Variants in CD5L observed in about 807,000 individuals in gnomAD.
CD5L encodes the protein CD5 antigen-like.
In CD5L, 39 loss-of-function variants were observed where a neutral mutation model predicts 40.8. The observed-to-expected ratio is 0.96, with a 90% CI of 0.74 to 1.25. The LOEUF (loss-of-function observed/expected upper bound fraction) is 1.25, where lower values mean the gene tolerates loss of function less well. CD5L is among the 50% of genes most tolerant of loss of function. The pLI, the probability that CD5L is intolerant of heterozygous loss-of-function variation, is 0.00. For synonymous variants in CD5L, 192 were observed against 169.6 expected (o/e 1.13, Z -1.03); for missense variants, 433 against 435.9 (o/e 0.99, Z 0.06).
chr1:157,827,859 TGGG>T (rs1655944268), downstream of CD5L, among the ~76,000 whole-genome samples: 1 of 152,108 alleles, frequency 6.6e-6, no homozygotes, highest in Non-Finnish European at 1.5e-5. Flanking sequence ...CAACATAAGG[TGGG>T]GTCCAGAGGC....
intron 2 of CD5L, among the ~76,000 whole-genome samples, chr1:157,836,686 G>A (rs1347668623): frequency 1.3e-5 from 2 of 152,196 alleles, no homozygotes; most frequent in Admixed American, 6.5e-5. Flanking sequence ...GAGGCAGAGT[G>A]TGTACAATTC....
chr1:157,836,199 A>G (rs1157368705), intron 2 of CD5L, 44 bp from the exon 3 acceptor site: 11 of 1,541,192 alleles, frequency 7.1e-6, no homozygotes, highest in Non-Finnish European at 9.7e-6. Flanking sequence ...AGAGGAGCTC[A>G]GAGGGTCCTT....
In CD5L at chr1:157,831,935, G is replaced by T. The variant is rs753736478; in HGVS notation, c.*29C>A. 3 of 1,566,454 alleles carry T rather than the reference G, an allele frequency of 1.9e-6. No individual in the cohort carries two copies. Among genetic ancestry groups the T allele is most frequent in the African/African-American group, 1.4e-5 (1 of 72,876 alleles). On this transcript the variant is annotated 3_prime_UTR_variant, in exon 6 of 6. Transcript: ENST00000368174. ...AACAAGCAGAGGGCAGGCGGGGCCA[G>T]GGGGGCCAGGTCAAGCAACACCAGG...
At position 157,833,394 on chromosome 1, in the gene CD5L, C is replaced by T; in HGVS notation, c.837G>A (p.Gln279=). The change falls in exon 5 of 6, where the codon CAG becomes CAA. Residue 279 remains glutamine (Q), a synonymous_variant. Transcript: ENST00000368174. ...CACAGCCCAGTTGCTTGCATACCAC[C>T]TGGTCCTCCTTTTCTCCCCAGTTGT... ...CDDNWGEKED[Q]VVCKQLGCGK... The T allele has an allele frequency of 6.2e-7, 1 of 1,614,120 alleles. No homozygotes were observed. Among genetic ancestry groups the T allele is most frequent in the Non-Finnish European group, 8.5e-7 (1 of 1,180,022 alleles).
rs769516757 is a variant in CD5L at position 157,835,890 on chromosome 1, C to T, written c.321G>A (p.Glu107=). The change falls in exon 3 of 6, where the codon GAG becomes GAA. Residue 107 remains glutamate, a synonymous_variant. Coordinates refer to ENST00000368174, the MANE Select transcript of CD5L (RefSeq NM_005894.3). Reference sequence around the variant, plus strand: ...GTGAACAATCATAAACTTCTTCTTGCTCACACTGAGCCAATGTATCTTCTG... The same window carrying T: ...GTGAACAATCATAAACTTCTTCTTGTTCACACTGAGCCAATGTATCTTCTG... ...TGTEDTLAQC[E]QEEVYDCSHD... 12 of 1,614,190 alleles carry T rather than the reference C, an allele frequency of 7.4e-6. No individual in the cohort carries two copies. The highest frequency in any genetic ancestry group is 1.0e-5 in the Non-Finnish European group (12 of 1,180,026).
In CD5L at chr1:157,831,796, G is replaced by A; in HGVS notation, c.*168C>T. 1.5e-6 allele frequency: 2 copies of A among 1,329,406 alleles called. No homozygotes were observed. Among genetic ancestry groups the A allele is most frequent in the Non-Finnish European group, 1.9e-6 (2 of 1,034,824 alleles). The allele number at this position is 1,329,406 out of a possible 1,614,324, so 82.4% of individuals were successfully genotyped here. A position where few individuals can be genotyped will look rare whatever the true frequency, so the allele number is the denominator to read the frequency against. ...ACATCTACAGGCAGCAATGGGGGCTGCTTGTCCCTGAGAGTAAGGCATAAG... is the reference window on the plus strand; with the variant it reads ...ACATCTACAGGCAGCAATGGGGGCTACTTGTCCCTGAGAGTAAGGCATAAG... On this transcript the variant is annotated 3_prime_UTR_variant, in exon 6 of 6. Coordinates refer to ENST00000368174, the MANE Select transcript of CD5L (RefSeq NM_005894.3).
rs1248339715 is a variant in CD5L, at chr1:157,834,499, G to T, written c.626C>A (p.Ser209Ter). The T allele has an allele frequency of 6.2e-7, 1 of 1,614,220 alleles. No homozygotes were observed. Among genetic ancestry groups the T allele is most frequent in the Non-Finnish European group, 8.5e-7 (1 of 1,180,050 alleles). Residue 209 changes from serine (S) to a stop codon, truncating the protein, a stop_gained, in exon 4 of 6, where the codon TCA becomes TAA. Coordinates refer to ENST00000368174, the MANE Select transcript of CD5L (RefSeq NM_005894.3). LOFTEE classifies it high-confidence loss of function. The part of the protein sequence containing the change: ...KPIWLSQMSC[S>*]GREATLQDCP... ...ATCCTGAAGGGTTGCTTCTCGTCCTGAGCATGACATCTGGCTCAGCCAGAT... is the reference window on the plus strand; with the variant it reads ...ATCCTGAAGGGTTGCTTCTCGTCCTTAGCATGACATCTGGCTCAGCCAGAT...
At chr1:157,832,073 G>A (rs1189241476) in intron 5 of CD5L, 105 bp from the exon 6 acceptor site, 6 of 908,330 alleles carry the variant, frequency 6.6e-6, no homozygotes, top group Non-Finnish European at 1.0e-5. Flanking sequence ...GCTCAACATA[G>A]GAAAAAGAGC....
chr1:157,837,670 C>A (rs1221943568), intron 2 of CD5L, among the ~76,000 whole-genome samples: 1 of 152,108 alleles, frequency 6.6e-6, no homozygotes, highest in Non-Finnish European at 1.5e-5. Flanking sequence ...TGCTGAGGAC[C>A]AGATTTCCCA....
chr1:157,828,325 T>C (rs1039853698), downstream of CD5L, among the ~76,000 whole-genome samples: 4 of 152,190 alleles, frequency 2.6e-5, no homozygotes, highest in Admixed American at 2.0e-4. Context: ...CTTGAAACAC[T>C]TTCTTCATTT....
intron 3 of CD5L, 108 bp downstream of exon 3, chr1:157,835,727 G>T: frequency 2.3e-6 from 2 of 865,506 alleles, no homozygotes; most frequent in South Asian, 1.6e-5. Context: ...GGGGTGAGGG[G>T]CCAATTAGCC....
At chr1:157,827,086 A>C (rs1655919069), downstream of CD5L, among the ~76,000 whole-genome samples, 1 of 152,214 alleles carries the variant, frequency 6.6e-6, no homozygotes, top group Non-Finnish European at 1.5e-5. Flanking sequence ...ACATAGTGCT[A>C]TCTTTATTAT....
In CD5L at chr1:157,835,958, T is replaced by C; in HGVS notation, c.253A>G (p.Lys85Glu). 1 of 1,614,240 alleles carries C rather than the reference T, an allele frequency of 6.2e-7. No individual in the cohort carries two copies. The highest frequency in any genetic ancestry group is 8.5e-7 in the Non-Finnish European group (1 of 1,180,046). ...SGILYEPPAE[K>E]EQKVLIQSVS... ...GATTGGATGAGGACCTTTTGCTCTTTTTCTGCTGGTGGCTCATACAAAATA... is the reference window on the plus strand; with the variant it reads ...GATTGGATGAGGACCTTTTGCTCTTCTTCTGCTGGTGGCTCATACAAAATA... The change falls in exon 3 of 6, where the codon AAA becomes GAA. Residue 85 changes from lysine (K) to glutamate (E), a missense_variant. Lys to Glu is a moderately conservative substitution (Grantham distance 56). Coordinates refer to ENST00000368174, the MANE Select transcript of CD5L (RefSeq NM_005894.3).
downstream of CD5L, among the ~76,000 whole-genome samples, chr1:157,828,411 C>T (rs1232264403): frequency 6.6e-6 from 1 of 152,064 alleles, no homozygotes; most frequent in African/African-American, 2.4e-5. Flanking sequence ...GTCCTATGTC[C>T]CCTCAAGTGC....
Position 157,831,888 on chromosome 1 carries a change from G to C in CD5L, c.*76C>G. 2 of 1,519,148 alleles carry C rather than the reference G, an allele frequency of 1.3e-6. No individual in the cohort carries two copies. Among genetic ancestry groups the C allele is most frequent in the East Asian group, 4.8e-5 (2 of 42,090 alleles). The allele number at this position is 1,519,148 out of a possible 1,614,324, so 94.1% of individuals were successfully genotyped here. On this transcript the variant is annotated 3_prime_UTR_variant, in exon 6 of 6. Transcript: ENST00000368174. ...CAAGCCTGAGCCCCAGAATGAGTAT[G>C]AGGATAATCAGGGCTCAGGAGAACA...
Position 157,831,788 on chromosome 1 carries a change from T to C in CD5L, c.*176A>G. 1.5e-6 allele frequency: 2 copies of C among 1,313,886 alleles called. No individual in the cohort carries two copies. The highest frequency in any genetic ancestry group is 1.9e-6 in the Non-Finnish European group (2 of 1,026,096). 81.4% of individuals were successfully genotyped at this position (1,313,886 alleles called of 1,614,324 possible). On this transcript the variant is annotated 3_prime_UTR_variant, in exon 6 of 6. Transcript: ENST00000368174. ...AACAGCTCACATCTACAGGCAGCAATGGGGGCTGCTTGTCCCTGAGAGTAA... is the reference window on the plus strand; with the variant it reads ...AACAGCTCACATCTACAGGCAGCAACGGGGGCTGCTTGTCCCTGAGAGTAA...
rs1656232426 is a variant in CD5L at position 157,836,875 on chromosome 1, G to A, written c.56-720C>T. Among the ~76,000 whole-genome samples the A allele has an allele frequency of 2.6e-5, 4 of 152,174 alleles. No individual in the cohort carries two copies. The South Asian group carries it at 6.2e-4, about 24-fold the overall frequency. ...TTTGGTCTAATTCCAGGGACTAGAAGCATAAGAGAGGATTCATGGAGTCTC... is the reference window on the plus strand; with the variant it reads ...TTTGGTCTAATTCCAGGGACTAGAAACATAAGAGAGGATTCATGGAGTCTC... On this transcript the variant is annotated intron_variant, in intron 2 of 5. Coordinates refer to ENST00000368174, the MANE Select transcript of CD5L (RefSeq NM_005894.3).
chr1:157,837,164 TG>T (rs1171268322), intron 2 of CD5L, among the ~76,000 whole-genome samples: 3 of 151,994 alleles, frequency 2.0e-5, no homozygotes, highest in African/African-American at 7.3e-5. Context: ...GAGGTTGTAG[TG>T]AGCCGAGATC....
Position 157,834,600 on chromosome 1 carries a change from C to A in CD5L, c.525G>T (p.Val175=). The change falls in exon 4 of 6, where the codon GTG becomes GTT. Residue 175 remains valine (V), a synonymous_variant. Coordinates refer to ENST00000368174, the MANE Select transcript of CD5L (RefSeq NM_005894.3). ...CCCTCCCACATCCCAGCTGCCGGCA[C>A]ACCACCTTTGCGGCCCGGAGGCTCC... The part of the protein sequence containing the change: ...TGWSLRAAKV[V]CRQLGCGRAV... The A allele has an allele frequency of 6.2e-7, 1 of 1,614,196 alleles. No individual in the cohort carries two copies. The highest frequency in any genetic ancestry group is 1.1e-5 in the South Asian group (1 of 91,086).
Sources: allele counts gnomAD v4.1 joint callset (sites outside exome capture counted in the v4.1 genomes callset), GRCh38; gene constraint gnomAD v4.1.1; transcripts MANE v1.5; gene names NCBI Gene and HGNC (gene_info 2026-07-23, HGNC 2026-07-21).